ABCB7: variants seen among roughly 807,000 people sequenced by gnomAD.
ABCB7 encodes the protein iron-sulfur clusters transporter ABCB7, mitochondrial.
In ABCB7, 7 loss-of-function variants were observed where a neutral mutation model predicts 54.4. The ratio of observed to expected loss-of-function variants is 0.13; its 90% CI spans 0.07 to 0.24. The LOEUF is 0.24. ABCB7 is among the 10% of genes least tolerant of loss of function. The probability of loss-of-function intolerance (pLI) is 1.00; values close to 1 mark genes in which losing one functional copy is unlikely to be tolerated. For missense variants in ABCB7, 356 were observed against 570.4 expected, an observed-to-expected ratio of 0.62 and a Z score of 3.83; for synonymous variants, 218 against 207.1, an observed-to-expected ratio of 1.05 and a Z score of -0.45.
rs2081363592 is a variant in ABCB7 at position 75,071,530 on chromosome X, C to T, written c.1186G>A (p.Ala396Thr). 1.7e-6 allele frequency: 2 copies of T among 1,211,213 alleles called. No homozygotes were observed. Among genetic ancestry groups the T allele is most frequent in the African/African-American group, 1.7e-5 (1 of 57,707 alleles). The change falls in exon 9 of 16, where the codon GCC becomes ACC. Residue 396 changes from alanine to threonine, a missense_variant. This residue lies in a region of ABCB7 where 241 missense variants were observed against 470.9 expected (regional missense o/e 0.51). Coordinates refer to ENST00000373394, the MANE Select transcript of ABCB7 (RefSeq NM_001271696.3). ...SVGLTAIMVLASQGIVAGTLT... is the reference protein window; with the variant it reads ...SVGLTAIMVLTSQGIVAGTLT... ...TTACCTGCCACAATTCCCTGACTGG[C>T]GAGCACCATTATAGCTGTTAAACCG...
chrX:75,113,044 C>A (rs916524838), intron 2 of ABCB7, 72 bp from the exon 3 acceptor site: 9 of 920,099 alleles, frequency 9.8e-6, no homozygotes, highest in Non-Finnish European at 1.4e-5. Context: ...TTGGCTTGAA[C>A]AGTCTAATCT....
At chrX:75,065,037 CAAG>C (rs763272963) in intron 13 of ABCB7, 30 bp downstream of exon 13, 2 of 1,202,298 alleles carry the variant, frequency 1.7e-6, no homozygotes, top group Admixed American at 4.4e-5. Context: ...AAGAAGTATA[CAAG>C]AAGGGGGCAG....
intron 6 of ABCB7, among the ~76,000 whole-genome samples, chrX:75,075,157 C>T (rs2081397646): frequency 9.0e-6 from 1 of 111,628 alleles, no homozygotes; most frequent in African/African-American, 3.3e-5. Flanking sequence ...TAGAATTGAA[C>T]AGTTATTTAC....
intron 1 of ABCB7, among the ~76,000 whole-genome samples, chrX:75,126,065 T>C (rs2081923873): frequency 8.9e-6 from 1 of 111,798 alleles, no homozygotes; most frequent in Non-Finnish European, 1.9e-5. Flanking sequence ...CTGACAGCTC[T>C]GCTAGAAGCA....
rs757074347 is a variant in ABCB7 at position 75,104,047 on chromosome X, GTTTTTTTTTTTTTTTTTTTT to G, written c.334-5006_334-4987del. Among the ~76,000 whole-genome samples, 64 of 13,448 alleles carry G rather than the reference GTTTTTTTTTTTTTTTTTTTT, an allele frequency of 4.8e-3. 1 individual carries two copies. The highest frequency in any genetic ancestry group is 5.2e-3 in the Non-Finnish European group (30 of 5,715). 11.7% of individuals were successfully genotyped at this position (13,448 alleles called of 115,157 possible). On this transcript the variant is annotated intron_variant, in intron 3 of 15. Transcript: ENST00000373394. ...AAATGGGCATCCCTGTCTTGTTACA[GTTTTTTTTTTTTTTTTTTTT>G]TTTTTTTTTTTTTTTTTTGTGGAAA...
intron 1 of ABCB7, among the ~76,000 whole-genome samples, chrX:75,135,260 T>G (rs1054662295): frequency 9.2e-6 from 1 of 108,912 alleles, no homozygotes; most frequent in African/African-American, 3.3e-5. Context: ...ACATACAACC[T>G]CCCAAGATTG....
intron 9 of ABCB7, among the ~76,000 whole-genome samples, chrX:75,070,923 A>G (rs1451111116): frequency 9.3e-6 from 1 of 107,756 alleles, no homozygotes; most frequent in African/African-American, 3.4e-5. Flanking sequence ...TCTGATGTAC[A>G]TCAAGTTGAA....
Position 75,112,974 on chromosome X carries a change from T to C in ABCB7, c.247-2A>G. On this transcript the variant is annotated splice_acceptor_variant, in intron 2 of 15. Transcript: ENST00000373394. LOFTEE classifies it high-confidence loss of function. ...TATCAGTGGCCATACCTGGAGAGCCTAATTGAAGATGATACCAAGCAGTCC... is the reference window on the plus strand; with the variant it reads ...TATCAGTGGCCATACCTGGAGAGCCCAATTGAAGATGATACCAAGCAGTCC... The C allele has an allele frequency of 8.4e-7, 1 of 1,196,248 alleles. No homozygotes were observed. Among genetic ancestry groups the C allele is most frequent in the South Asian group, 1.8e-5 (1 of 56,622 alleles).
intron 1 of ABCB7, among the ~76,000 whole-genome samples, chrX:75,148,031 G>T (rs2082104683): frequency 9.0e-6 from 1 of 111,729 alleles, no homozygotes; most frequent in Admixed American, 9.5e-5. Context: ...CAGGAGAATC[G>T]CTTGAACCTG....
At chrX:75,094,503 A>C (rs1238654886) in intron 4 of ABCB7, among the ~76,000 whole-genome samples, 1 of 111,455 alleles carries the variant, frequency 9.0e-6, no homozygotes, top group Non-Finnish European at 1.9e-5. Context: ...ACCTGAGGTC[A>C]GGAGTTTGAG....
At chrX:75,065,918 G>T (rs2081314418) in intron 12 of ABCB7, among the ~76,000 whole-genome samples, 1 of 111,327 alleles carries the variant, frequency 9.0e-6, no homozygotes, top group African/African-American at 3.3e-5. Flanking sequence ...AGAAACCCTG[G>T]ATATTAATAA....
At chrX:75,071,464 TA>T in intron 9 of ABCB7, 44 bp downstream of exon 9, 1 of 1,183,137 alleles carries the variant, frequency 8.5e-7, no homozygotes, top group Non-Finnish European at 1.1e-6. Flanking sequence ...TCTTTATTTA[TA>T]AAAGTTGAAC....
chrX:75,084,946 T>C (rs904926682), intron 4 of ABCB7, among the ~76,000 whole-genome samples: 13 of 112,161 alleles, frequency 1.2e-4, no homozygotes, highest in African/African-American at 3.9e-4. Flanking sequence ...CACCTGACAA[T>C]ACCAAGTGTT....
intron 1 of ABCB7, among the ~76,000 whole-genome samples, chrX:75,154,188 G>A (rs1370036767): frequency 1.8e-5 from 2 of 111,238 alleles, no homozygotes; most frequent in African/African-American, 6.5e-5. Context: ...TGAGGAAATG[G>A]TAACTAAAGG....
At chrX:75,124,709 T>C (rs1165499355) in intron 1 of ABCB7, among the ~76,000 whole-genome samples, 4 of 111,902 alleles carry the variant, frequency 3.6e-5, no homozygotes, top group Non-Finnish European at 7.5e-5. Context: ...GACACAATAA[T>C]TTCATTGAGC....
intron 1 of ABCB7, among the ~76,000 whole-genome samples, chrX:75,115,937 T>C (rs908292513): frequency 1.8e-5 from 2 of 111,518 alleles, no homozygotes; most frequent in South Asian, 7.6e-4. Flanking sequence ...AATTCCAACC[T>C]GACTGCTATA....
At chrX:75,069,224 A>G in intron 11 of ABCB7, 67 bp downstream of exon 11, 1 of 1,200,612 alleles carries the variant, frequency 8.3e-7, no homozygotes, top group Non-Finnish European at 1.1e-6. Context: ...TTTGATAAAG[A>G]AAGAAATATT....
In ABCB7 at chrX:75,051,249, G is replaced by A. The variant is rs761110109; in HGVS notation, c.*2121C>T. Among the ~76,000 whole-genome samples the A allele has an allele frequency of 1.3e-4, 14 of 110,859 alleles. No individual in the cohort carries two copies. Among genetic ancestry groups the A allele is most frequent in the East Asian group, 2.8e-4 (1 of 3,547 alleles). On this transcript the variant is annotated 3_prime_UTR_variant, in exon 16 of 16. Transcript: ENST00000373394. Reference sequence around the variant, plus strand: ...CACTTACTCTGGCAGCAAAGACTACGAAATACTGGTTTCATGTTACTTATC... The same window carrying A: ...CACTTACTCTGGCAGCAAAGACTACAAAATACTGGTTTCATGTTACTTATC...
chrX:75,074,103 C>A (rs1315742248), intron 6 of ABCB7, 147 bp from the exon 7 acceptor site: 3 of 506,881 alleles, frequency 5.9e-6, no homozygotes, highest in Non-Finnish European at 1.0e-5. Context: ...GGTGAAAAAT[C>A]AAATACTTTA....
Sources: allele counts gnomAD v4.1 joint callset (sites outside exome capture counted in the v4.1 genomes callset), GRCh38; gene constraint gnomAD v4.1.1; regional missense constraint gnomAD v4.1.1; transcripts MANE v1.5; gene names NCBI Gene and HGNC (gene_info 2026-07-23, HGNC 2026-07-21).